Variants in GALNT10 observed in about 807,000 individuals in gnomAD.
The protein encoded by GALNT10 is GalNAc transferase 10.
GALNT10 carries 41 observed loss-of-function variants against 75.0 expected under a neutral mutation model. The ratio of observed to expected loss-of-function variants is 0.55; its 90% confidence interval spans 0.43 to 0.71. The LOEUF is 0.71. GALNT10 is among the 30% of genes least tolerant of loss of function. GALNT10 has a pLI of 0.00. For missense variants in GALNT10, 727 were observed against 818.5 expected, an observed-to-expected ratio of 0.89 and a Z score of 1.36; for synonymous variants, 302 against 313.0, an observed-to-expected ratio of 0.96 and a Z score of 0.37.
In GALNT10 at chr5:154,391,798, C is replaced by G. The variant is rs138953772; in HGVS notation, c.1056+5368C>G. Among the ~76,000 whole-genome samples the G allele has an allele frequency of 2.5e-3, 388 of 152,336 alleles. 5 individuals are homozygous for G. The highest frequency in any genetic ancestry group is 8.1e-3 in the African/African-American group (335 of 41,580). On this transcript the variant is annotated intron_variant, in intron 7 of 11. Transcript: ENST00000297107. ...CTAGGTCTCTCTCAATGCCTAGTCC[C>G]TATTTCATCTGAGTTGGCTTCCCTC... is the stretch of plus-strand genomic sequence containing the variant.
At chr5:154,301,659 G>T (rs1359615593) in intron 3 of GALNT10, among the ~76,000 whole-genome samples, 1 of 151,806 alleles carries the variant, frequency 6.6e-6, no homozygotes, top group Non-Finnish European at 1.5e-5. Flanking sequence ...CTCCTGAGGA[G>T]CTGAGATTAC....
At chr5:154,268,721 T>C (rs536322153) in intron 1 of GALNT10, among the ~76,000 whole-genome samples, 2 of 152,338 alleles carry the variant, frequency 1.3e-5, no homozygotes, top group East Asian at 1.9e-4. Context: ...ACACCTGAGA[T>C]TTATTTCTCA....
chr5:154,384,405 G>A (rs1445317248), intron 6 of GALNT10, among the ~76,000 whole-genome samples: 1 of 152,176 alleles, frequency 6.6e-6, no homozygotes, highest in African/African-American at 2.4e-5. Context: ...ATTTAAACCA[G>A]TATACCTCAA....
intron 4 of GALNT10, among the ~76,000 whole-genome samples, chr5:154,368,371 A>G (rs1243844242): frequency 6.6e-6 from 1 of 152,174 alleles, no homozygotes; most frequent in Admixed American, 6.5e-5. Context: ...TGGTGCAAGA[A>G]ATGGCTGGTT....
At chr5:154,379,958 A>G (rs72795425) in intron 5 of GALNT10, among the ~76,000 whole-genome samples, 69 of 152,310 alleles carry the variant, frequency 4.5e-4, no homozygotes, top group Non-Finnish European at 9.1e-4. Context: ...TTAGGGGCAC[A>G]TAGTCTGCTA....
At chr5:154,282,043 G>A (rs991340192) in intron 1 of GALNT10, among the ~76,000 whole-genome samples, 11 of 152,198 alleles carry the variant, frequency 7.2e-5, no homozygotes, top group African/African-American at 2.4e-4. Flanking sequence ...GAAAAGAAGC[G>A]TATTTGGTCA....
At position 154,386,330 on chromosome 5, in the gene GALNT10, G is replaced by T; in HGVS notation, c.956G>T (p.Gly319Val). 6.2e-7 allele frequency: 1 copy of T among 1,613,920 alleles called. No homozygotes were observed. The highest frequency in any genetic ancestry group is 8.5e-7 in the Non-Finnish European group (1 of 1,179,832). The change falls in exon 7 of 12, where the codon GGT becomes GTT. Residue 319 changes from glycine to valine, a missense_variant. Transcript: ENST00000297107. ...TCTGACAGGTCTCCCGTGATGGCCG[G>T]TGGACTGTTCGCCGTGGATCGGAAG... ...SDPFESPVMA[G>V]GLFAVDRKWF... is the part of the protein sequence containing the mutation.
intron 1 of GALNT10, among the ~76,000 whole-genome samples, chr5:154,231,864 C>A (rs924694500): frequency 2.0e-5 from 3 of 152,190 alleles, no homozygotes; most frequent in African/African-American, 7.2e-5. Flanking sequence ...TGTTGGTAAT[C>A]CAGAAACCCA....
rs1756421446 is a variant in GALNT10 at position 154,412,630 on chromosome 5, C to T, written c.1387-259C>T. 3 of 376,416 alleles carry T rather than the reference C, an allele frequency of 8.0e-6. No individual in the cohort carries two copies. The highest frequency in any genetic ancestry group is 4.9e-6 in the Non-Finnish European group (1 of 202,696). 23.3% of individuals were successfully genotyped at this position (376,416 alleles called of 1,614,324 possible). A position where few individuals can be genotyped will look rare whatever the true frequency, so the allele number is the denominator to read the frequency against. On this transcript the variant is annotated intron_variant, in intron 9 of 11. Transcript: ENST00000297107. This position sits in a 1 kb window ranked among gnomAD's most constrained non-coding sequence, Gnocchi z 4.2. Reference sequence around the variant, plus strand: ...CCTTTACCAACTCCTCACCTCCACTCCCCCACCACCAACCCAGGACTCTGC... The same window carrying T: ...CCTTTACCAACTCCTCACCTCCACTTCCCCACCACCAACCCAGGACTCTGC...
In GALNT10 at chr5:154,316,240, T is replaced by C. The variant is rs369353371; in HGVS notation, c.402-13332T>C. ...ACTGGCTCCTTTAAACTGTGTCTGATTTAGATTTGTTATTTACATCCAGGG... is the reference window on the plus strand; with the variant it reads ...ACTGGCTCCTTTAAACTGTGTCTGACTTAGATTTGTTATTTACATCCAGGG... On this transcript the variant is annotated intron_variant, in intron 3 of 11. Transcript: ENST00000297107. Among the ~76,000 whole-genome samples the C allele has an allele frequency of 1.1e-4, 16 of 152,308 alleles. No homozygotes were observed. The South Asian group carries it at 3.1e-3, about 30-fold the overall frequency.
rs73283366 is a variant in GALNT10, at chr5:154,364,929, T to C, written c.569-11348T>C. On this transcript the variant is annotated intron_variant, in intron 4 of 11. Transcript: ENST00000297107. Reference sequence around the variant, plus strand: ...TTGTAGCTGATTGGTGGGGAGTCACTTTCAGAAAACAGAGGAGGCTGTAAT... The same window carrying C: ...TTGTAGCTGATTGGTGGGGAGTCACCTTCAGAAAACAGAGGAGGCTGTAAT... Among the ~76,000 whole-genome samples, 1,481 of 152,286 alleles carry C rather than the reference T, an allele frequency of 9.7e-3. 19 individuals are homozygous for C. The highest frequency in any genetic ancestry group is 0.034 in the African/African-American group (1,431 of 41,566).
intron 1 of GALNT10, among the ~76,000 whole-genome samples, chr5:154,240,044 C>G (rs193226309): frequency 2.0e-5 from 3 of 152,314 alleles, no homozygotes; most frequent in Admixed American, 2.0e-4. Context: ...TCCAGAAGCT[C>G]CCTTTTGAGT....
intron 10 of GALNT10, among the ~76,000 whole-genome samples, chr5:154,414,714 C>T (rs779446040): frequency 6.6e-6 from 1 of 151,948 alleles, no homozygotes; most frequent in Non-Finnish European, 1.5e-5. Flanking sequence ...TCAAATTGTA[C>T]ACTTTAAATG....
chr5:154,378,388 A>G (rs1476964742), intron 5 of GALNT10, among the ~76,000 whole-genome samples: 1 of 152,086 alleles, frequency 6.6e-6, no homozygotes, highest in Non-Finnish European at 1.5e-5. Context: ...CCACATTAAC[A>G]TTTGAATTTG....
At chr5:154,282,215 C>A (rs530233772) in intron 1 of GALNT10, among the ~76,000 whole-genome samples, 1 of 152,324 alleles carries the variant, frequency 6.6e-6, no homozygotes, top group South Asian at 2.1e-4. Context: ...AACCCACTCT[C>A]TCCATAACAG....
At chr5:154,213,719 C>T (rs1752817443) in intron 1 of GALNT10, among the ~76,000 whole-genome samples, 1 of 152,122 alleles carries the variant, frequency 6.6e-6, no homozygotes, top group African/African-American at 2.4e-5. Context: ...GTTGCTGGGA[C>T]TATAGGCAGG....
At chr5:154,256,767 G>A (rs10074276) in intron 1 of GALNT10, among the ~76,000 whole-genome samples, 98,998 of 151,896 alleles carry the variant, frequency 0.65, 32,650 homozygotes, top group East Asian at 0.86. Context: ...TTTGATGTTA[G>A]TCCTTCTATA....
chr5:154,198,320 T>C (rs112801810), intron 1 of GALNT10, among the ~76,000 whole-genome samples: 3 of 152,294 alleles, frequency 2.0e-5, no homozygotes, highest in African/African-American at 4.8e-5. Flanking sequence ...TCACTGTGGG[T>C]AAAACCCCAA....
At chr5:154,300,618 C>T (rs1306329030) in intron 3 of GALNT10, among the ~76,000 whole-genome samples, 1 of 152,184 alleles carries the variant, frequency 6.6e-6, no homozygotes, top group Non-Finnish European at 1.5e-5. Context: ...TTCATCTATT[C>T]ATAGTATATA....
Sources: gnomAD v4.1 joint callset for allele counts (sites outside exome capture counted in the v4.1 genomes callset) on GRCh38, gnomAD v4.1.1 for gene constraint, Gnocchi (gnomAD v3.1) non-coding constraint, MANE v1.5 for transcripts, NCBI Gene and HGNC (gene_info 2026-07-23, HGNC 2026-07-21) for gene names.